WDFY2: variants seen among roughly 807,000 people sequenced by gnomAD.
WDFY2 encodes the protein WD repeat and FYVE domain containing 2.
A neutral mutation model predicts 56.4 loss-of-function variants in WDFY2; 36 were observed. The ratio of observed to expected loss-of-function variants is 0.64; its 90% CI spans 0.49 to 0.84. WDFY2 has a LOEUF of 0.84. Ranked by LOEUF, WDFY2 falls within the 40% of genes least tolerant of loss-of-function variation. The probability of loss-of-function intolerance (pLI) is 0.00; values close to 1 mark genes in which losing one functional copy is unlikely to be tolerated. For missense variants in WDFY2, 444 were observed against 512.2 expected, an observed-to-expected ratio of 0.87 and a Z score of 1.29; for synonymous variants, 176 against 183.7, an observed-to-expected ratio of 0.96 and a Z score of 0.34.
chr13:51,723,746 C>T (rs908205216), intron 5 of WDFY2, among the ~76,000 whole-genome samples: 2 of 152,160 alleles, frequency 1.3e-5, no homozygotes, highest in Admixed American at 6.5e-5. Context: ...ATTGGCAGTT[C>T]GGGTGGTGAC....
intron 1 of WDFY2, among the ~76,000 whole-genome samples, chr13:51,650,832 A>AT (rs1405875330): frequency 6.6e-6 from 1 of 152,092 alleles, no homozygotes; most frequent in African/African-American, 2.4e-5. Context: ...TTTATTGAGG[A>AT]TTTTTGGATC....
chr13:51,629,159 C>G (rs1475195), intron 1 of WDFY2, among the ~76,000 whole-genome samples: 20,745 of 152,240 alleles, frequency 0.14, 1,769 homozygotes, highest in South Asian at 0.23. Flanking sequence ...AAGCTGTTCT[C>G]TCTCTTCCAG....
chr13:51,665,758 G>A lies in WDFY2; in HGVS notation c.205+5095G>A, dbSNP rs534427570. 1.5e-3 allele frequency among the ~76,000 whole-genome samples: 221 copies of A among 152,318 alleles called. 1 individual carries two copies. The highest frequency in any genetic ancestry group is 4.6e-3 in the African/African-American group (191 of 41,566). ...GAGGCTTGAGAGGGCTGGAACCTCA[G>A]GCCGGGTGTGTTGGAGAATTGAAAA... is the stretch of plus-strand genomic sequence containing the variant. On this transcript the variant is annotated intron_variant, in intron 2 of 11. Coordinates refer to ENST00000298125, the MANE Select transcript of WDFY2 (RefSeq NM_052950.4).
rs1004010052 is a variant in WDFY2, at chr13:51,693,804, T to A, written c.280-9792T>A. ...GGGGTGTTCAAGTCTCCCATTATTATTGTGTGGGAGTCTAAGTCTCTTTAT... is the reference window on the plus strand; with the variant it reads ...GGGGTGTTCAAGTCTCCCATTATTAATGTGTGGGAGTCTAAGTCTCTTTAT... On this transcript the variant is annotated intron_variant, in intron 3 of 11. Transcript: ENST00000298125. Among the ~76,000 whole-genome samples, 590 of 152,280 alleles carry A rather than the reference T, an allele frequency of 3.9e-3. 5 individuals are homozygous for A. The highest frequency in any genetic ancestry group is 0.014 in the African/African-American group (565 of 41,524).
At chr13:51,700,526 A>T (rs913516747) in intron 3 of WDFY2, among the ~76,000 whole-genome samples, 9 of 152,192 alleles carry the variant, frequency 5.9e-5, no homozygotes, top group Non-Finnish European at 1.3e-4. Flanking sequence ...CAAAATTTCA[A>T]TGGTCATACT....
intron 7 of WDFY2, among the ~76,000 whole-genome samples, chr13:51,741,822 CTTAA>C (rs1322242666): frequency 6.6e-6 from 1 of 152,104 alleles, no homozygotes. Flanking sequence ...GTCTCTGAAC[CTTAA>C]TTGAGTCCAG....
At chr13:51,642,463 TTTTTTTTG>T (rs1335600566) in intron 1 of WDFY2, among the ~76,000 whole-genome samples, 32 of 151,420 alleles carry the variant, frequency 2.1e-4, no homozygotes, top group African/African-American at 7.8e-4. Context: ...AATTTTATTA[TTTTTTTTG>T]TATTTTTGTA....
chr13:51,759,693 C>T (rs1334884527), intron 11 of WDFY2, 47 bp from the exon 12 acceptor site: 2 of 1,604,784 alleles, frequency 1.2e-6, no homozygotes, highest in Admixed American at 1.7e-5. Context: ...GACTGTTATC[C>T]TCAACACAAT....
At chr13:51,668,515 A>C (rs992477298) in intron 2 of WDFY2, among the ~76,000 whole-genome samples, 8 of 152,236 alleles carry the variant, frequency 5.3e-5, no homozygotes, top group African/African-American at 1.9e-4. Context: ...AGGTATGCTT[A>C]ATAAAATAAA....
chr13:51,712,834 G>A (rs888753955), intron 4 of WDFY2, among the ~76,000 whole-genome samples: 2 of 151,746 alleles, frequency 1.3e-5, no homozygotes, highest in Non-Finnish European at 2.9e-5. Context: ...AGGATAATAT[G>A]TAATATTATG....
chr13:51,657,071 C>T (rs535501736), intron 1 of WDFY2, among the ~76,000 whole-genome samples: 9 of 151,944 alleles, frequency 5.9e-5, no homozygotes, highest in African/African-American at 2.2e-4. Flanking sequence ...CCACTATTGC[C>T]TTCTTCTACG....
At chr13:51,712,102 G>A (rs1363054433) in intron 4 of WDFY2, among the ~76,000 whole-genome samples, 4 of 152,134 alleles carry the variant, frequency 2.6e-5, no homozygotes, top group Non-Finnish European at 2.9e-5. Flanking sequence ...ATACACCATG[G>A]AATACTATGC....
intron 2 of WDFY2, among the ~76,000 whole-genome samples, chr13:51,665,983 G>A: frequency 6.6e-6 from 1 of 152,148 alleles, no homozygotes; most frequent in East Asian, 1.9e-4. Flanking sequence ...TGGCCTGGTG[G>A]GATGGCATTT....
At chr13:51,666,229 C>A (rs12430760) in intron 2 of WDFY2, among the ~76,000 whole-genome samples, 14,090 of 152,210 alleles carry the variant, frequency 0.093, 936 homozygotes, top group Admixed American at 0.2. Flanking sequence ...CTTGTGTTAG[C>A]CCTCTGCAGA....
chr13:51,702,269 G>A (rs544778175), intron 3 of WDFY2, among the ~76,000 whole-genome samples: 40 of 151,056 alleles, frequency 2.6e-4, no homozygotes, highest in Non-Finnish European at 4.6e-4. Context: ...CCAGGATCGC[G>A]CCACTGCACT....
chr13:51,653,875 T>A (rs1355135603), intron 1 of WDFY2, among the ~76,000 whole-genome samples: 1 of 152,232 alleles, frequency 6.6e-6, no homozygotes, highest in African/African-American at 2.4e-5. Context: ...GAGGAGGCAG[T>A]CTGTCCGTTC....
chr13:51,717,471 G>A (rs935621971), intron 4 of WDFY2, among the ~76,000 whole-genome samples: 5 of 152,030 alleles, frequency 3.3e-5, no homozygotes, highest in African/African-American at 1.2e-4. Context: ...AGGCTGCTCA[G>A]AGGACTAAAG....
At chr13:51,706,551 C>T (rs917922807) in intron 4 of WDFY2, among the ~76,000 whole-genome samples, 1 of 152,194 alleles carries the variant, frequency 6.6e-6, no homozygotes, top group African/African-American at 2.4e-5. Context: ...AAATTTATTC[C>T]TGACCCCAAC....
At position 51,751,301 on chromosome 13, in the gene WDFY2, C is replaced by T. The variant is rs1953229972; in HGVS notation, c.726-9C>T. ...CTAAACTGTCAATAACCCTTGGTTT[C>T]TTTCACAGCGACAGAGTCCAGGCCC... On this transcript the variant is annotated splice_polypyrimidine_tract_variant and intron_variant, in intron 7 of 11. Transcript: ENST00000298125. 2 of 1,610,900 alleles carry T rather than the reference C, an allele frequency of 1.2e-6. No individual in the cohort carries two copies. Among genetic ancestry groups the T allele is most frequent in the Non-Finnish European group, 1.7e-6 (2 of 1,178,774 alleles).
Sources: gnomAD v4.1 joint callset for allele counts (sites outside exome capture counted in the v4.1 genomes callset) on GRCh38, gnomAD v4.1.1 for gene constraint, MANE v1.5 for transcripts, NCBI Gene and HGNC (gene_info 2026-07-23, HGNC 2026-07-21) for gene names.